Variants in FBN1 observed in about 807,000 individuals in gnomAD.
The protein encoded by FBN1 is fibrillin 1, also known as fibrillin-1.
In FBN1, 29 loss-of-function variants were observed where a neutral mutation model predicts 365.1. That is an observed-to-expected ratio of 0.08 (90% confidence interval 0.06 to 0.11). FBN1 has a LOEUF of 0.11. Among genes scored for constraint, FBN1 ranks in the 10% least tolerant of loss-of-function variants. FBN1 has a pLI of 1.00. For synonymous variants in FBN1, 1,210 were observed against 1,270.5 expected (o/e 0.95, Z 1.01); for missense variants, 2,476 against 3,703.2 (o/e 0.67, Z 8.60).
At chr15:48,620,532 T>C (rs920284530) in intron 2 of FBN1, among the ~76,000 whole-genome samples, 1 of 152,212 alleles carries the variant, frequency 6.6e-6, no homozygotes, top group African/African-American at 2.4e-5. Flanking sequence ...AATTCAAATC[T>C]AGCTCCCCAT....
intron 41 of FBN1, 25 bp from the exon 42 acceptor site, chr15:48,463,265 T>A (rs765837498): frequency 7.8e-5 from 125 of 1,611,954 alleles, no homozygotes; most frequent in Non-Finnish European, 9.9e-5. Flanking sequence ...AAAAAAAGGA[T>A]TGGAGGGTTG....
At chr15:48,484,525 C>T (rs2043490586) in intron 30 of FBN1, among the ~76,000 whole-genome samples, 1 of 152,104 alleles carries the variant, frequency 6.6e-6, no homozygotes. Context: ...GCATGTGCCA[C>T]CACACCCAAC....
intron 19 of FBN1, among the ~76,000 whole-genome samples, chr15:48,496,982 T>C (rs1268149495): frequency 6.6e-6 from 1 of 152,224 alleles, no homozygotes; most frequent in African/African-American, 2.4e-5. Flanking sequence ...CTGCATCTTA[T>C]ATCTAAGGAG....
chr15:48,592,359 A>G (rs1390941756), intron 6 of FBN1, among the ~76,000 whole-genome samples: 1 of 152,104 alleles, frequency 6.6e-6, no homozygotes, highest in Admixed American at 6.6e-5. Context: ...CACTGTGTTT[A>G]ATACAAAGGC....
chr15:48,579,114 C>T (rs1054465157), intron 6 of FBN1, among the ~76,000 whole-genome samples: 1 of 151,316 alleles, frequency 6.6e-6, no homozygotes, highest in East Asian at 1.9e-4. Context: ...GTGGTAAGCA[C>T]AGCTTTGAAA....
rs555794529 is a variant in FBN1 at position 48,515,609 on chromosome 15, A to T, written c.1328-82T>A. 1.5e-5 allele frequency: 24 copies of T among 1,557,690 alleles called. No homozygotes were observed. The Admixed American group carries it at 3.5e-4, about 23-fold the overall frequency. ...ACTTAATCTGACAATAATGAACAAGATGTTGAATCAGAAAGGAAAGAGGAT... is the reference window on the plus strand; with the variant it reads ...ACTTAATCTGACAATAATGAACAAGTTGTTGAATCAGAAAGGAAAGAGGAT... On this transcript the variant is annotated intron_variant, in intron 11 of 65. Coordinates refer to ENST00000316623, the MANE Select transcript of FBN1 (RefSeq NM_000138.5).
At chr15:48,620,156 T>C (rs191608745) in intron 2 of FBN1, among the ~76,000 whole-genome samples, 1 of 152,260 alleles carries the variant, frequency 6.6e-6, no homozygotes, top group East Asian at 1.9e-4. Context: ...GGAAGCACTA[T>C]GGGAATTCTT....
At chr15:48,581,074 T>C (rs2044388179) in intron 6 of FBN1, among the ~76,000 whole-genome samples, 2 of 152,164 alleles carry the variant, frequency 1.3e-5, no homozygotes, top group South Asian at 2.1e-4. Context: ...CATCAACCCA[T>C]GTCCTATTGC....
rs1346960667 is a variant in FBN1 at position 48,463,049 on chromosome 15, T to A, written c.5224+33A>T. On this transcript the variant is annotated intron_variant, in intron 42 of 65. Coordinates refer to ENST00000316623, the MANE Select transcript of FBN1 (RefSeq NM_000138.5). ...ACAATTCATGGGTAATTTTTCAACC[T>A]ATATTTTTGATAATGGAGAAACTAA... is the stretch of plus-strand genomic sequence containing the variant. 3.1e-6 allele frequency: 5 copies of A among 1,604,466 alleles called. No homozygotes were observed. In the African/African-American group the frequency reaches 6.7e-5, roughly 21 times the overall value.
At chr15:48,539,929 G>T (rs755925868) in intron 6 of FBN1, among the ~76,000 whole-genome samples, 9 of 151,928 alleles carry the variant, frequency 5.9e-5, no homozygotes, top group Non-Finnish European at 1.2e-4. Flanking sequence ...TTCTTCCACA[G>T]ATACTGAATT....
chr15:48,555,038 C>A (rs1348509469), intron 6 of FBN1, among the ~76,000 whole-genome samples: 1 of 152,146 alleles, frequency 6.6e-6, no homozygotes. Context: ...ATTATTTGTA[C>A]ACTATAGAAA....
chr15:48,496,084 C>G lies in FBN1; in HGVS notation c.2419+16G>C, dbSNP rs1340939267. The G allele has an allele frequency of 2.5e-6, 4 of 1,613,402 alleles. No homozygotes were observed. Among genetic ancestry groups the G allele is most frequent in the Admixed American group, 3.3e-5 (2 of 59,996 alleles). On this transcript the variant is annotated intron_variant, in intron 20 of 65. Coordinates refer to ENST00000316623, the MANE Select transcript of FBN1 (RefSeq NM_000138.5). ...GATAGCAAAGTACACAGTATAAGAA[C>G]AAAAATATGGTTTACCTTCACATGT...
intron 6 of FBN1, among the ~76,000 whole-genome samples, chr15:48,591,919 T>C (rs908861756): frequency 2.0e-5 from 3 of 152,200 alleles, no homozygotes; most frequent in Non-Finnish European, 2.9e-5. Context: ...TTTTACCACT[T>C]ATAAGCTGTC....
chr15:48,449,774 G>A (rs1315167994), intron 45 of FBN1, among the ~76,000 whole-genome samples: 1 of 152,176 alleles, frequency 6.6e-6, no homozygotes, highest in African/African-American at 2.4e-5. Context: ...CTTTGCTGCA[G>A]ATGCTGTAGG....
At chr15:48,564,163 G>A (rs905807844) in intron 6 of FBN1, among the ~76,000 whole-genome samples, 3 of 152,094 alleles carry the variant, frequency 2.0e-5, no homozygotes, top group Non-Finnish European at 4.4e-5. Context: ...GTGACGCTGT[G>A]GCTGCCTCAC....
chr15:48,623,967 A>AC, intron 2 of FBN1, among the ~76,000 whole-genome samples: 3 of 80,886 alleles, frequency 3.7e-5, no homozygotes, highest in Admixed American at 1.6e-4. Flanking sequence ...ACAAAGACAC[A>AC]AACACACACA....
At chr15:48,535,513 A>C (rs1342850619) in intron 7 of FBN1, among the ~76,000 whole-genome samples, 1 of 152,210 alleles carries the variant, frequency 6.6e-6, no homozygotes, top group African/African-American at 2.4e-5. Flanking sequence ...CTCTTTGTTC[A>C]TAACAGAAAA....
chr15:48,537,822 A>C lies in FBN1; in HGVS notation c.539-14T>G. On this transcript the variant is annotated splice_polypyrimidine_tract_variant and intron_variant, in intron 6 of 65. Coordinates refer to ENST00000316623, the MANE Select transcript of FBN1 (RefSeq NM_000138.5). ...CTGTCCTGTAATCTGAAAATAAAGA[A>C]TAAAAATCTGATGAAAATCCAGAAA... The C allele has an allele frequency of 6.2e-7, 1 of 1,613,552 alleles. No homozygotes were observed. Among genetic ancestry groups the C allele is most frequent in the Non-Finnish European group, 8.5e-7 (1 of 1,179,458 alleles).
chr15:48,411,158 G>A lies in FBN1; in HGVS notation c.8448C>T (p.His2816=), dbSNP rs758960406. 6.2e-7 allele frequency: 1 copy of A among 1,614,162 alleles called. No individual in the cohort carries two copies. Among genetic ancestry groups the A allele is most frequent in the Non-Finnish European group, 8.5e-7 (1 of 1,180,014 alleles). ...INQKEGISYL[H]FTKKKPVAGT... is the part of the protein sequence containing the mutation. The stretch of plus-strand genomic sequence containing the variant: ...CAGCCACTGGCTTCTTCTTTGTGAA[G>A]TGGAGGTAGCTGATCCCTTCCTTTT... The change falls in exon 66 of 66, where the codon CAC becomes CAT. Residue 2816 remains histidine, a synonymous_variant. Coordinates refer to ENST00000316623, the MANE Select transcript of FBN1 (RefSeq NM_000138.5).
Sources: gnomAD v4.1 joint callset for allele counts (sites outside exome capture counted in the v4.1 genomes callset) on GRCh38, gnomAD v4.1.1 for gene constraint, MANE v1.5 for transcripts, NCBI Gene and HGNC (gene_info 2026-07-23, HGNC 2026-07-21) for gene names.